Variants in CHSY3 observed in about 807,000 individuals in gnomAD.
CHSY3 encodes chondroitin sulfate synthase 3.
CHSY3 carries 35 observed loss-of-function variants against 67.2 expected under a neutral mutation model. The ratio of observed to expected loss-of-function variants is 0.52; its 90% CI spans 0.40 to 0.69. The LOEUF (loss-of-function observed/expected upper bound fraction) is 0.69. Ranked by LOEUF, CHSY3 falls within the 30% of genes least tolerant of loss-of-function variation. The pLI, the probability that CHSY3 is intolerant of heterozygous loss-of-function variation, is 0.00. For missense variants in CHSY3, 1,069 were observed against 1,138.5 expected (o/e 0.94, Z 0.88); for synonymous variants, 474 against 434.7 (o/e 1.09, Z -1.12).
intron 2 of CHSY3, among the ~76,000 whole-genome samples, chr5:129,992,634 G>A (rs1187310305): frequency 6.6e-6 from 1 of 152,160 alleles, no homozygotes; most frequent in East Asian, 1.9e-4. Context: ...TCTGTTGTTG[G>A]AGGTGCTATG....
intron 2 of CHSY3, among the ~76,000 whole-genome samples, chr5:130,075,035 G>C (rs551223482): frequency 6.6e-6 from 1 of 152,118 alleles, no homozygotes; most frequent in East Asian, 1.9e-4. Context: ...GGAATAGAGG[G>C]CTTTCAGACT....
At chr5:129,966,276 G>A (rs1416638914) in intron 2 of CHSY3, among the ~76,000 whole-genome samples, 15 of 151,778 alleles carry the variant, frequency 9.9e-5, no homozygotes, top group Admixed American at 7.9e-4. Flanking sequence ...TGCATAACAG[G>A]AACTCAGTAA....
rs1047992178 is a variant in CHSY3, at chr5:130,178,028, T to A, written c.1087-6201T>A. ...TTGCATTTTAAAATTTCTGTTATAT[T>A]TTAATTTTGGTGCATTTTATATTTT... On this transcript the variant is annotated intron_variant, in intron 2 of 2. Coordinates refer to ENST00000305031, the MANE Select transcript of CHSY3 (RefSeq NM_175856.5). Among the ~76,000 whole-genome samples, 32 of 151,156 alleles carry A rather than the reference T, an allele frequency of 2.1e-4. 2 individuals carry two copies. The highest frequency in any genetic ancestry group is 4.0e-4 in the Admixed American group (6 of 15,154).
At chr5:130,135,633 T>C (rs1479316422) in intron 2 of CHSY3, among the ~76,000 whole-genome samples, 2 of 152,160 alleles carry the variant, frequency 1.3e-5, no homozygotes, top group African/African-American at 4.8e-5. Context: ...CATATCACAA[T>C]GAATGGGTTT....
At chr5:129,994,790 C>T (rs959583220) in intron 2 of CHSY3, among the ~76,000 whole-genome samples, 2 of 151,576 alleles carry the variant, frequency 1.3e-5, no homozygotes, top group African/African-American at 2.4e-5. Flanking sequence ...AGCAAACTAT[C>T]GCAAGGACAA....
intron 2 of CHSY3, among the ~76,000 whole-genome samples, chr5:129,955,894 G>A (rs1447038315): frequency 6.6e-6 from 1 of 152,138 alleles, no homozygotes; most frequent in Non-Finnish European, 1.5e-5. Flanking sequence ...TGGCTGCATA[G>A]TATTCCATGG....
intron 2 of CHSY3, among the ~76,000 whole-genome samples, chr5:129,970,029 G>A (rs1448445242): frequency 6.6e-6 from 1 of 151,588 alleles, no homozygotes; most frequent in Non-Finnish European, 1.5e-5. Flanking sequence ...CTTATAGAAG[G>A]CCCCCCAAAT....
chr5:130,087,020 T>C (rs2149689869), intron 2 of CHSY3, among the ~76,000 whole-genome samples: 1 of 152,222 alleles, frequency 6.6e-6, no homozygotes, highest in East Asian at 1.9e-4. Flanking sequence ...TTATCCACCA[T>C]GATCAAGTGG....
At chr5:130,007,733 G>A (rs1260663782) in intron 2 of CHSY3, among the ~76,000 whole-genome samples, 2 of 152,082 alleles carry the variant, frequency 1.3e-5, no homozygotes, top group East Asian at 1.9e-4. Context: ...TTACACTCAC[G>A]CCTCAAGACT....
intron 2 of CHSY3, among the ~76,000 whole-genome samples, chr5:130,033,098 G>A (rs1412857899): frequency 1.3e-5 from 2 of 152,188 alleles, no homozygotes; most frequent in Non-Finnish European, 2.9e-5. Flanking sequence ...ACTCCTCACA[G>A]ATGGACATTG....
intron 2 of CHSY3, among the ~76,000 whole-genome samples, chr5:130,000,271 C>A (rs1378753475): frequency 6.6e-6 from 1 of 152,094 alleles, no homozygotes; most frequent in African/African-American, 2.4e-5. Context: ...TGAAAGGCTG[C>A]ACTATAAAAA....
At chr5:130,143,784 G>GTA (rs71000950) in intron 2 of CHSY3, among the ~76,000 whole-genome samples, 3,153 of 73,738 alleles carry the variant, frequency 0.043, 119 homozygotes, top group East Asian at 0.08. Context: ...ATATATATGT[G>GTA]TATATATATA....
intron 2 of CHSY3, among the ~76,000 whole-genome samples, chr5:130,089,597 G>T (rs183568755): frequency 6.6e-6 from 1 of 151,980 alleles, no homozygotes; most frequent in African/African-American, 2.4e-5. Context: ...CACAAGTGTT[G>T]GTTGAAAAAT....
chr5:130,085,906 G>A (rs1766600655), intron 2 of CHSY3, among the ~76,000 whole-genome samples: 1 of 152,154 alleles, frequency 6.6e-6, no homozygotes. Flanking sequence ...CAGTTTCCAT[G>A]TAGTTGAGCG....
intron 2 of CHSY3, among the ~76,000 whole-genome samples, chr5:130,047,492 A>G (rs1455657699): frequency 6.6e-6 from 1 of 152,086 alleles, no homozygotes; most frequent in Non-Finnish European, 1.5e-5. Context: ...ATTATAGGTT[A>G]GTAATTTATT....
At chr5:130,004,163 A>G (rs1180286539) in intron 2 of CHSY3, among the ~76,000 whole-genome samples, 1 of 152,192 alleles carries the variant, frequency 6.6e-6, no homozygotes, top group Non-Finnish European at 1.5e-5. Flanking sequence ...TAACTCTTGA[A>G]AAGCTAAAAT....
chr5:130,015,203 G>A (rs919435318), intron 2 of CHSY3, among the ~76,000 whole-genome samples: 1 of 152,066 alleles, frequency 6.6e-6, no homozygotes, highest in Non-Finnish European at 1.5e-5. Flanking sequence ...GTCATATAAA[G>A]ATATGCTGGC....
chr5:129,970,539 G>A (rs1334235428), intron 2 of CHSY3, among the ~76,000 whole-genome samples: 1 of 151,702 alleles, frequency 6.6e-6, no homozygotes, highest in Non-Finnish European at 1.5e-5. Flanking sequence ...TTTGATCAGT[G>A]GTAAGGAATA....
At chr5:129,957,285 G>A (rs1319451530) in intron 2 of CHSY3, among the ~76,000 whole-genome samples, 1 of 151,894 alleles carries the variant, frequency 6.6e-6, no homozygotes, top group Non-Finnish European at 1.5e-5. Flanking sequence ...TTGGTGAATA[G>A]GATTGCTAGT....
Sources: allele counts gnomAD v4.1 joint callset (sites outside exome capture counted in the v4.1 genomes callset), GRCh38; gene constraint gnomAD v4.1.1; transcripts MANE v1.5; gene names NCBI Gene and HGNC (gene_info 2026-07-23, HGNC 2026-07-21).